The following R3HDM2 variants were observed in gnomAD, a reference collection of about 807,000 sequenced individuals.
R3HDM2 encodes the protein R3H domain-containing protein 2.
A neutral mutation model predicts 124.5 loss-of-function variants in R3HDM2; 38 were observed. The observed-to-expected ratio is 0.31, with a 90% confidence interval of 0.24 to 0.40. The LOEUF (loss-of-function observed/expected upper bound fraction) is 0.40. Ranked by LOEUF, R3HDM2 falls within the 10% of genes least tolerant of loss-of-function variation. The pLI, the probability that R3HDM2 is intolerant of heterozygous loss-of-function variation, is 1.00. For missense variants in R3HDM2, 869 were observed against 1,236.9 expected (o/e 0.70, Z 4.46); for synonymous variants, 391 against 448.0 (o/e 0.87, Z 1.61).
At chr12:57,311,508 G>C (rs1218378512) in intron 2 of R3HDM2, among the ~76,000 whole-genome samples, 1 of 151,980 alleles carries the variant, frequency 6.6e-6, no homozygotes, top group Non-Finnish European at 1.5e-5. Context: ...TTACAGTCGT[G>C]AGCCACCACG....
At chr12:57,404,943 T>C (rs1315486388) in intron 1 of R3HDM2, among the ~76,000 whole-genome samples, 1 of 152,134 alleles carries the variant, frequency 6.6e-6, no homozygotes, top group Non-Finnish European at 1.5e-5. Flanking sequence ...CCACCCACTA[T>C]GAAACCTTTG....
At chr12:57,285,520 C>A (rs1438779172) in intron 12 of R3HDM2, among the ~76,000 whole-genome samples, 1 of 151,800 alleles carries the variant, frequency 6.6e-6, no homozygotes, top group African/African-American at 2.4e-5. Context: ...AAAAATATTC[C>A]TGTTTCTCCA....
chr12:57,348,496 C>T (rs1415837775), intron 2 of R3HDM2, among the ~76,000 whole-genome samples: 1 of 151,750 alleles, frequency 6.6e-6, no homozygotes, highest in Non-Finnish European at 1.5e-5. Flanking sequence ...GAGCTCAAGA[C>T]CAGTCTGGCC....
chr12:57,290,901 A>G (rs1592818406), intron 11 of R3HDM2, among the ~76,000 whole-genome samples: 1 of 152,102 alleles, frequency 6.6e-6, no homozygotes, highest in African/African-American at 2.4e-5. Context: ...CGTGACCCAC[A>G]GTGCCCAACC....
intron 1 of R3HDM2, among the ~76,000 whole-genome samples, chr12:57,408,085 A>G (rs1401135463): frequency 6.6e-6 from 1 of 152,124 alleles, no homozygotes; most frequent in African/African-American, 2.4e-5. Context: ...GTTTGCCACC[A>G]CGCCCAGCTA....
intron 1 of R3HDM2, among the ~76,000 whole-genome samples, chr12:57,427,495 G>A (rs909248934): frequency 1.7e-4 from 26 of 150,328 alleles, no homozygotes; most frequent in South Asian, 1.5e-3. Flanking sequence ...GACTACAGGC[G>A]TGTACCACCA....
intron 2 of R3HDM2, among the ~76,000 whole-genome samples, chr12:57,373,356 CG>C (rs2063606533): frequency 6.6e-6 from 1 of 151,838 alleles, no homozygotes; most frequent in Non-Finnish European, 1.5e-5. Context: ...AAAAATTAGC[CG>C]GGCGTGGTGG....
At chr12:57,424,258 A>AGCCAGGCGAGG (rs2070492920) in intron 1 of R3HDM2, among the ~76,000 whole-genome samples, 2 of 151,904 alleles carry the variant, frequency 1.3e-5, no homozygotes, top group East Asian at 3.9e-4. Flanking sequence ...TCCAGGTTCA[A>AGCCAGGCGAGG]GCAATTCTCG....
chr12:57,257,149 C>A (rs2039308329), intron 21 of R3HDM2, among the ~76,000 whole-genome samples: 1 of 152,084 alleles, frequency 6.6e-6, no homozygotes, highest in South Asian at 2.1e-4. Context: ...ATTCTCCCAA[C>A]CCCTAAACCC....
chr12:57,292,746 C>A, intron 10 of R3HDM2, 79 bp from the exon 11 acceptor site: 6 of 917,016 alleles, frequency 6.5e-6, no homozygotes, highest in South Asian at 4.8e-5. Flanking sequence ...GGAAGAGAAA[C>A]CGGGAAAGTT....
At chr12:57,415,790 T>G (rs1214816428) in intron 1 of R3HDM2, among the ~76,000 whole-genome samples, 3 of 152,158 alleles carry the variant, frequency 2.0e-5, no homozygotes, top group Non-Finnish European at 4.4e-5. Context: ...TTGAATCTAA[T>G]CATGACAAAT....
intron 7 of R3HDM2, 156 bp downstream of exon 7, chr12:57,297,934 C>T: frequency 4.7e-6 from 3 of 640,754 alleles, no homozygotes; most frequent in South Asian, 1.9e-5. Flanking sequence ...TTTTGAATCC[C>T]TCACAGAATA....
chr12:57,385,509 T>C (rs1267880120), intron 2 of R3HDM2, among the ~76,000 whole-genome samples: 1 of 152,020 alleles, frequency 6.6e-6, no homozygotes, highest in East Asian at 1.9e-4. Context: ...CCCAAAGTGC[T>C]GGGATTACAG....
chr12:57,396,973 A>G (rs999682512), intron 1 of R3HDM2, among the ~76,000 whole-genome samples: 2 of 151,910 alleles, frequency 1.3e-5, no homozygotes, highest in African/African-American at 4.8e-5. Context: ...TGTACCTGTA[A>G]TCTCAGCTAC....
At position 57,289,046 on chromosome 12, in the gene R3HDM2, T is replaced by C. The variant is rs1260416953; in HGVS notation, c.907-6A>G. On this transcript the variant is annotated splice_region_variant and splice_polypyrimidine_tract_variant and intron_variant, in intron 11 of 23. Coordinates refer to ENST00000402412, the MANE Select transcript of R3HDM2 (RefSeq NM_001394031.1). ...AGATATCCGTTCTGGCCAGTCTAGG[T>C]GAGGGGGAGAAAACGGAAAATAACT... 6.5e-7 allele frequency: 1 copy of C among 1,546,122 alleles called. No individual in the cohort carries two copies. Among genetic ancestry groups the C allele is most frequent in the Admixed American group, 2.0e-5 (1 of 50,956 alleles).
chr12:57,303,004 T>C (rs973447631), intron 4 of R3HDM2, among the ~76,000 whole-genome samples, 172 bp downstream of exon 4: 8 of 152,220 alleles, frequency 5.3e-5, no homozygotes, highest in Admixed American at 2.6e-4. Flanking sequence ...GGTATGTATG[T>C]GTATGTGTAC....
intron 20 of R3HDM2, 114 bp downstream of exon 20, chr12:57,258,776 G>C: frequency 9.5e-7 from 1 of 1,052,756 alleles, no homozygotes; most frequent in Non-Finnish European, 1.3e-6. Flanking sequence ...TTTCTCCCCA[G>C]AAAGTACCCA....
At chr12:57,293,686 A>T (rs1463178399) in intron 10 of R3HDM2, among the ~76,000 whole-genome samples, 2 of 152,248 alleles carry the variant, frequency 1.3e-5, no homozygotes, top group Non-Finnish European at 2.9e-5. Flanking sequence ...TCACCAGATT[A>T]TAAAAGATTC....
chr12:57,395,692 A>T (rs1210351874), intron 2 of R3HDM2, 57 bp downstream of exon 2: 1 of 716,676 alleles, frequency 1.4e-6, no homozygotes, highest in Non-Finnish European at 1.7e-6. Context: ...GAACAGATGT[A>T]TAACAATTTG....
Sources: gnomAD v4.1 joint callset for allele counts (sites outside exome capture counted in the v4.1 genomes callset) on GRCh38, gnomAD v4.1.1 for gene constraint, MANE v1.5 for transcripts, NCBI Gene and HGNC (gene_info 2026-07-23, HGNC 2026-07-21) for gene names.